The following DIP2A variants were observed in gnomAD, a reference collection of about 807,000 sequenced individuals.
DIP2A encodes the protein disco-interacting protein 2 homolog A.
Under a neutral mutation model 177.4 loss-of-function variants are expected in DIP2A, and 85 were observed. The ratio of observed to expected loss-of-function variants is 0.48; its 90% CI spans 0.40 to 0.57. DIP2A has a LOEUF of 0.57. Ranked by LOEUF, DIP2A falls within the 20% of genes least tolerant of loss-of-function variation. The pLI is 0.00. For synonymous variants in DIP2A, 886 were observed against 881.8 expected (o/e 1.00, Z -0.08); for missense variants, 1,791 against 2,100.2 (o/e 0.85, Z 2.88).
chr21:46,523,723 G>T (rs1051901974), intron 8 of DIP2A, among the ~76,000 whole-genome samples: 2 of 152,110 alleles, frequency 1.3e-5, no homozygotes, highest in African/African-American at 2.4e-5. Flanking sequence ...GCTTGCAAAG[G>T]CTTTTAACTG....
At chr21:46,494,168 G>T (rs2057177202) in intron 3 of DIP2A, among the ~76,000 whole-genome samples, 1 of 152,154 alleles carries the variant, frequency 6.6e-6, no homozygotes, top group African/African-American at 2.4e-5. Context: ...TTGCTCGTAT[G>T]GCTTCTAAGG....
intron 15 of DIP2A, 109 bp from the exon 16 acceptor site, chr21:46,538,369 TGTGTC>T: frequency 7.2e-7 from 1 of 1,391,488 alleles, no homozygotes; most frequent in African/African-American, 1.4e-5. Flanking sequence ...AGCTAAGTGT[TGTGTC>T]TGTCTGTGCA....
chr21:46,476,465 C>G (rs1183107246), intron 1 of DIP2A, among the ~76,000 whole-genome samples: 1 of 152,018 alleles, frequency 6.6e-6, no homozygotes, highest in African/African-American at 2.4e-5. Context: ...GCGCAGGGCA[C>G]TAGCCCAGAA....
rs1377204559 is a variant in DIP2A, at chr21:46,541,625, A to G, written c.2037-131A>G. The G allele has an allele frequency of 3.9e-6, 4 of 1,033,494 alleles. No individual in the cohort carries two copies. The East Asian group carries it at 7.3e-5, about 19-fold the overall frequency. 64.0% of individuals were successfully genotyped at this position (1,033,494 alleles called of 1,614,324 possible). On this transcript the variant is annotated intron_variant, in intron 17 of 37. Transcript: ENST00000417564. ...GGAGACATTGCAGCATCTTTAGAAC[A>G]TGCGTTTCTCACAAGTCTGTAACAT...
intron 3 of DIP2A, among the ~76,000 whole-genome samples, chr21:46,494,362 G>T (rs536313321): frequency 6.6e-6 from 1 of 152,280 alleles, no homozygotes; most frequent in African/African-American, 2.4e-5. Flanking sequence ...AGGTTACAAC[G>T]TTCAGCTGTT....
At chr21:46,528,925 CAAT>C (rs1691029448) in intron 8 of DIP2A, among the ~76,000 whole-genome samples, 164 bp from the exon 9 acceptor site, 1 of 151,882 alleles carries the variant, frequency 6.6e-6, no homozygotes, top group Non-Finnish European at 1.5e-5. Context: ...TAAGAGAAAA[CAAT>C]GATGTTCATT....
intron 26 of DIP2A, 109 bp from the exon 27 acceptor site, chr21:46,554,466 C>G (rs891746767): frequency 1.3e-6 from 2 of 1,541,782 alleles, no homozygotes; most frequent in African/African-American, 1.4e-5. Context: ...CAGGAGTCAC[C>G]CATGCCCCCC....
intron 18 of DIP2A, 139 bp downstream of exon 18, chr21:46,542,034 C>A: frequency 5.1e-6 from 5 of 976,504 alleles, no homozygotes; most frequent in Non-Finnish European, 7.6e-6. Flanking sequence ...CTGCATCCTC[C>A]GCCTCCCAGG....
At position 46,563,637 on chromosome 21, in the gene DIP2A, C is replaced by T. The variant is rs749980690; in HGVS notation, c.4090-221C>T. 3.3e-5 allele frequency: 24 copies of T among 721,348 alleles called. No individual in the cohort carries two copies. Among genetic ancestry groups the T allele is most frequent in the Non-Finnish European group, 4.8e-5 (23 of 475,640 alleles). The allele number at this position is 721,348 out of a possible 1,614,324, so 44.7% of individuals were successfully genotyped here. ...CCTCCTGACACCCAGAGACGGGATC[C>T]CTTCTCAGGAACTGGAGTCATTTTG... is the stretch of plus-strand genomic sequence containing the variant. On this transcript the variant is annotated intron_variant, in intron 34 of 37. Coordinates refer to ENST00000417564, the MANE Select transcript of DIP2A (RefSeq NM_015151.4). This position sits in a 1 kb window ranked among gnomAD's most constrained non-coding sequence, Gnocchi z 4.3.
Position 46,545,366 on chromosome 21 carries a change from C to T in DIP2A, c.2313+93C>T, listed in dbSNP as rs2059987130. The stretch of plus-strand genomic sequence containing the variant: ...GCTGGGTGCTGGGGGATTGCAGAGG[C>T]TGCGGGGATGGTCTCCTTCCACACA... On this transcript the variant is annotated intron_variant, in intron 19 of 37. Coordinates refer to ENST00000417564, the MANE Select transcript of DIP2A (RefSeq NM_015151.4). The T allele has an allele frequency of 3.5e-6, 5 of 1,437,920 alleles. No homozygotes were observed. The South Asian group carries it at 5.6e-5, about 16-fold the overall frequency. 89.1% of individuals were successfully genotyped at this position (1,437,920 alleles called of 1,614,324 possible). A position where few individuals can be genotyped will look rare whatever the true frequency, so the allele number is the denominator to read the frequency against.
In DIP2A at chr21:46,556,155, T is replaced by A. The variant is rs564407220; in HGVS notation, c.3498+64T>A. 14 of 1,486,046 alleles carry A rather than the reference T, an allele frequency of 9.4e-6. No homozygotes were observed. In the South Asian group the frequency reaches 1.6e-4, roughly 17 times the overall value. The allele number at this position is 1,486,046 out of a possible 1,614,324, so 92.1% of individuals were successfully genotyped here. A position where few individuals can be genotyped will look rare whatever the true frequency, so the allele number is the denominator to read the frequency against. On this transcript the variant is annotated intron_variant, in intron 29 of 37. Coordinates refer to ENST00000417564, the MANE Select transcript of DIP2A (RefSeq NM_015151.4). The surrounding 1 kb of genome is among the most constrained non-coding windows in gnomAD (Gnocchi z 4.5). ...AATCAGGAGGAGTGGACAGAAAGGA[T>A]GTCAGATGCAGATTTAAACTGACAG...
rs1312414799 is a variant in DIP2A at position 46,568,776 on chromosome 21, T to C, written c.*1154T>C. 1 of 152,182 alleles carries C rather than the reference T, an allele frequency of 6.6e-6. No individual in the cohort carries two copies. The highest frequency in any genetic ancestry group is 1.5e-5 in the Non-Finnish European group (1 of 68,038). 9.4% of individuals were successfully genotyped at this position (152,182 alleles called of 1,614,324 possible). On this transcript the variant is annotated 3_prime_UTR_variant, in exon 38 of 38. Coordinates refer to ENST00000417564, the MANE Select transcript of DIP2A (RefSeq NM_015151.4). ...TTCCAAGTCAGCAGATTTGGAAGCATTGTGGTAAAGTCTAAGGTTTTCATA... is the reference window on the plus strand; with the variant it reads ...TTCCAAGTCAGCAGATTTGGAAGCACTGTGGTAAAGTCTAAGGTTTTCATA...
chr21:46,491,451 G>C (rs1242472672), intron 3 of DIP2A, among the ~76,000 whole-genome samples: 1 of 152,102 alleles, frequency 6.6e-6, no homozygotes, highest in Non-Finnish European at 1.5e-5. Context: ...AATAGTCTAA[G>C]AAATATTCGA....
In DIP2A at chr21:46,459,206, G is replaced by C; in HGVS notation, c.75G>C (p.Glu25Asp). The change falls in exon 1 of 38, where the codon GAG becomes GAC. Residue 25 changes from glutamate to aspartate, a missense_variant. Transcript: ENST00000417564. ...AEVRESLAEL[E>D]LELSEGDITQ... ...TGCGGGAGAGCCTGGCTGAGCTGGA[G>C]CTGGAGCTGTCGGAAGGTGAGCCGG... The C allele has an allele frequency of 6.6e-7, 1 of 1,525,460 alleles. No individual in the cohort carries two copies. The highest frequency in any genetic ancestry group is 8.8e-7 in the Non-Finnish European group (1 of 1,137,012). 94.5% of individuals were successfully genotyped at this position (1,525,460 alleles called of 1,614,324 possible).
chr21:46,516,681 G>A (rs191987826), intron 8 of DIP2A, among the ~76,000 whole-genome samples: 1 of 151,500 alleles, frequency 6.6e-6, no homozygotes, highest in Non-Finnish European at 1.5e-5. Context: ...TTTTAGTAGA[G>A]ACAGGGTTTC....
chr21:46,494,217 C>T (rs1219321055), intron 3 of DIP2A, among the ~76,000 whole-genome samples: 2 of 152,218 alleles, frequency 1.3e-5, no homozygotes, highest in Non-Finnish European at 2.9e-5. Flanking sequence ...ATAAGAGCTA[C>T]ACATTGCAGT....
intron 1 of DIP2A, among the ~76,000 whole-genome samples, chr21:46,480,071 T>TG (rs1568934070): frequency 1.4e-5 from 2 of 144,404 alleles, no homozygotes; most frequent in African/African-American, 2.5e-5. Flanking sequence ...TTTTTTTTTT[T>TG]TGTGTGGCAT....
chr21:46,485,739 A>G (rs2056638203), intron 2 of DIP2A, among the ~76,000 whole-genome samples: 1 of 152,114 alleles, frequency 6.6e-6, no homozygotes, highest in African/African-American at 2.4e-5. Flanking sequence ...GCAAAGACAA[A>G]CTACAGAGTG....
At chr21:46,472,747 T>A (rs1055128121) in intron 1 of DIP2A, among the ~76,000 whole-genome samples, 5 of 152,182 alleles carry the variant, frequency 3.3e-5, no homozygotes, top group African/African-American at 1.2e-4. Context: ...GACTTGATTC[T>A]CTGGAGTCTA....
Sources: gnomAD v4.1 joint callset for allele counts (sites outside exome capture counted in the v4.1 genomes callset) on GRCh38, gnomAD v4.1.1 for gene constraint, Gnocchi (gnomAD v3.1) non-coding constraint, MANE v1.5 for transcripts, NCBI Gene and HGNC (gene_info 2026-07-23, HGNC 2026-07-21) for gene names.